Variants in WDR70 observed in about 807,000 individuals in gnomAD.
The protein encoded by WDR70 is WD repeat domain 70, also known as WD repeat-containing protein 70.
A neutral mutation model predicts 88.6 loss-of-function variants in WDR70; 53 were observed. That is an observed-to-expected ratio of 0.60 (90% confidence interval 0.48 to 0.75). The LOEUF (loss-of-function observed/expected upper bound fraction) is 0.75. Among genes scored for constraint, WDR70 ranks in the 30% least tolerant of loss-of-function variants. WDR70 has a pLI of 0.00. For missense variants in WDR70, 610 were observed against 823.2 expected (o/e 0.74, Z 3.17); for synonymous variants, 280 against 270.0 (o/e 1.04, Z -0.36).
intron 10 of WDR70, among the ~76,000 whole-genome samples, chr5:37,649,007 A>G (rs1315587887): frequency 1.3e-5 from 2 of 152,218 alleles, no homozygotes; most frequent in Admixed American, 6.5e-5. Flanking sequence ...AAAAAGTGTT[A>G]ATTCTGAATC....
intron 9 of WDR70, among the ~76,000 whole-genome samples, chr5:37,575,734 A>G (rs950269720): frequency 6.6e-6 from 1 of 152,170 alleles, no homozygotes. Flanking sequence ...AATGTAAGTC[A>G]AGGGTTTCCC....
At chr5:37,473,465 T>C (rs923372846) in intron 7 of WDR70, among the ~76,000 whole-genome samples, 5 of 151,732 alleles carry the variant, frequency 3.3e-5, no homozygotes, top group Non-Finnish European at 7.4e-5. Context: ...TGCCTCAGCC[T>C]CCTGAGTAGC....
At chr5:37,408,273 A>G (rs999484144) in intron 5 of WDR70, among the ~76,000 whole-genome samples, 1 of 152,070 alleles carries the variant, frequency 6.6e-6, no homozygotes, top group Non-Finnish European at 1.5e-5. Flanking sequence ...GGAGTTTGAG[A>G]CCAGCCTGGC....
intron 9 of WDR70, among the ~76,000 whole-genome samples, chr5:37,558,620 C>G (rs1470837547): frequency 6.6e-6 from 1 of 152,140 alleles, no homozygotes; most frequent in Non-Finnish European, 1.5e-5. Flanking sequence ...GCCACTGCAC[C>G]CAGCCCACGT....
chr5:37,664,689 C>A (rs1219676267), intron 10 of WDR70, among the ~76,000 whole-genome samples: 1 of 152,084 alleles, frequency 6.6e-6, no homozygotes, highest in African/African-American at 2.4e-5. Context: ...TGTTTGCCTC[C>A]CTTTCTAGAC....
At chr5:37,462,532 G>T (rs1390804508) in intron 7 of WDR70, among the ~76,000 whole-genome samples, 1 of 152,136 alleles carries the variant, frequency 6.6e-6, no homozygotes, top group East Asian at 1.9e-4. Flanking sequence ...TCGATCGCCT[G>T]ACCTTGTGAT....
chr5:37,386,380 G>A (rs1221109431), intron 3 of WDR70, among the ~76,000 whole-genome samples: 1 of 151,930 alleles, frequency 6.6e-6, no homozygotes. Context: ...CAGGCTGGAG[G>A]GCAATGGTGC....
chr5:37,487,290 T>C (rs1739902467), intron 8 of WDR70, among the ~76,000 whole-genome samples: 1 of 152,070 alleles, frequency 6.6e-6, no homozygotes, highest in Non-Finnish European at 1.5e-5. Flanking sequence ...ATTGTAGTCA[T>C]TGGCTTGAGT....
intron 10 of WDR70, among the ~76,000 whole-genome samples, chr5:37,680,434 C>T (rs927371782): frequency 6.6e-6 from 1 of 152,038 alleles, no homozygotes; most frequent in Non-Finnish European, 1.5e-5. Flanking sequence ...TTGCTTCTGT[C>T]GCGATTGCTT....
chr5:37,728,762 G>A (rs926898858), intron 17 of WDR70, among the ~76,000 whole-genome samples: 1 of 152,074 alleles, frequency 6.6e-6, no homozygotes, highest in East Asian at 1.9e-4. Context: ...CTTCTTGGGA[G>A]TGATATTTTA....
intron 17 of WDR70, among the ~76,000 whole-genome samples, chr5:37,736,310 T>C (rs1748303304): frequency 6.6e-6 from 1 of 152,180 alleles, no homozygotes; most frequent in Non-Finnish European, 1.5e-5. Context: ...TGTGCATATC[T>C]TGTCTGATAT....
intron 8 of WDR70, among the ~76,000 whole-genome samples, chr5:37,509,266 TTAAC>T (rs1262799990): frequency 6.6e-6 from 1 of 152,184 alleles, no homozygotes; most frequent in African/African-American, 2.4e-5. Context: ...AAGCATTTCT[TTAAC>T]TGTGTCCCAC....
chr5:37,618,116 G>A (rs1027930968), intron 10 of WDR70, among the ~76,000 whole-genome samples: 5 of 152,144 alleles, frequency 3.3e-5, no homozygotes, highest in Non-Finnish European at 7.3e-5. Flanking sequence ...GATGTGTATT[G>A]ACATTTAGGA....
chr5:37,508,909 T>C (rs770085675), intron 8 of WDR70, among the ~76,000 whole-genome samples: 16 of 152,192 alleles, frequency 1.1e-4, no homozygotes, highest in Non-Finnish European at 2.2e-4. Context: ...CCAACTGGGC[T>C]GGGGTTTTCT....
chr5:37,496,404 A>G (rs1024079795), intron 8 of WDR70, among the ~76,000 whole-genome samples: 2 of 152,214 alleles, frequency 1.3e-5, no homozygotes, highest in East Asian at 3.8e-4. Flanking sequence ...CAGCCAGACC[A>G]CGAACCCACT....
chr5:37,615,843 T>A (rs575984269), intron 10 of WDR70, among the ~76,000 whole-genome samples: 8 of 152,332 alleles, frequency 5.3e-5, no homozygotes, highest in Admixed American at 4.6e-4. Context: ...TTCTGTGCTT[T>A]AGTGTTTCTC....
chr5:37,542,619 T>C (rs1741861735), intron 9 of WDR70, among the ~76,000 whole-genome samples: 1 of 151,996 alleles, frequency 6.6e-6, no homozygotes, highest in African/African-American at 2.4e-5. Flanking sequence ...TGTCATGAAA[T>C]GTCAATATCA....
At chr5:37,424,148 C>CAAAAAAAAAAAAAAAAAAAA (rs11304949) in intron 5 of WDR70, among the ~76,000 whole-genome samples, 1 of 55,494 alleles carries the variant, frequency 1.8e-5, no homozygotes, top group Non-Finnish European at 2.9e-5. Context: ...GACTCCATCT[C>CAAAAAAAAAAAAAAAAAAAA]AAAAAAAAAA....
chr5:37,416,330 G>A (rs1004801364), intron 5 of WDR70, among the ~76,000 whole-genome samples: 25 of 152,326 alleles, frequency 1.6e-4, no homozygotes, highest in African/African-American at 5.8e-4. Context: ...GCAACACAGC[G>A]AAACCCCGTC....
Sources: gnomAD v4.1 joint callset for allele counts (sites outside exome capture counted in the v4.1 genomes callset) on GRCh38, gnomAD v4.1.1 for gene constraint, MANE v1.5 for transcripts, NCBI Gene and HGNC (gene_info 2026-07-23, HGNC 2026-07-21) for gene names.